The following ABCA13 variants were observed in gnomAD, a reference collection of about 807,000 sequenced individuals.
The protein encoded by ABCA13 is ATP-binding cassette sub-family A member 13.
Under a neutral mutation model 478.7 loss-of-function variants are expected in ABCA13, and 476 were observed. The ratio of observed to expected loss-of-function variants is 0.99; its 90% CI spans 0.92 to 1.07. The LOEUF (loss-of-function observed/expected upper bound fraction) is 1.07. Among genes scored for constraint, ABCA13 ranks in the 50% least tolerant of loss-of-function variants. The pLI, the probability that ABCA13 is intolerant of heterozygous loss-of-function variation, is 0.00. For missense variants in ABCA13, 6,060 were observed against 5,910.6 expected (o/e 1.03, Z -0.83); for synonymous variants, 2,252 against 2,158.9 (o/e 1.04, Z -1.20).
At chr7:48,199,737 C>A (rs1798412076) in intron 3 of ABCA13, among the ~76,000 whole-genome samples, 1 of 152,172 alleles carries the variant, frequency 6.6e-6, no homozygotes, top group Non-Finnish European at 1.5e-5. Flanking sequence ...AAAACTCTGT[C>A]TTTCTTGGAA....
chr7:48,341,348 G>T (rs539151242), intron 29 of ABCA13, among the ~76,000 whole-genome samples: 1 of 152,230 alleles, frequency 6.6e-6, no homozygotes, highest in Non-Finnish European at 1.5e-5. Flanking sequence ...GCACCCAGCT[G>T]CTTTCCTAGG....
chr7:48,632,985 T>C (rs1002219808), intron 59 of ABCA13, among the ~76,000 whole-genome samples: 5 of 152,128 alleles, frequency 3.3e-5, no homozygotes, highest in Admixed American at 6.6e-5. Flanking sequence ...GAAGAAAACA[T>C]AGGGATAAAT....
intron 19 of ABCA13, among the ~76,000 whole-genome samples, chr7:48,284,351 A>T (rs995709826): frequency 3.3e-5 from 5 of 152,146 alleles, no homozygotes; most frequent in African/African-American, 1.2e-4. Flanking sequence ...GATAATCTGT[A>T]TTTCCAATTA....
intron 31 of ABCA13, among the ~76,000 whole-genome samples, chr7:48,355,090 C>A (rs1809674734): frequency 1.3e-5 from 2 of 150,114 alleles, no homozygotes; most frequent in African/African-American, 4.9e-5. Flanking sequence ...TGTGAGACTT[C>A]CAGTCCAGGG....
intron 59 of ABCA13, among the ~76,000 whole-genome samples, chr7:48,642,838 A>G (rs898859787): frequency 3.3e-5 from 5 of 152,130 alleles, no homozygotes; most frequent in Non-Finnish European, 7.3e-5. Flanking sequence ...TTTTTTATAT[A>G]ACAAACAAAC....
intron 59 of ABCA13, among the ~76,000 whole-genome samples, chr7:48,641,378 G>A (rs1393541301): frequency 6.6e-6 from 1 of 152,104 alleles, no homozygotes; most frequent in African/African-American, 2.4e-5. Context: ...TTCTGTTCTG[G>A]TCATATTCTG....
intron 58 of ABCA13, among the ~76,000 whole-genome samples, chr7:48,604,447 T>G (rs992701897): frequency 3.3e-5 from 5 of 152,146 alleles, no homozygotes; most frequent in Non-Finnish European, 7.4e-5. Flanking sequence ...TTCTCACTGG[T>G]TTCAAAGAAC....
intron 43 of ABCA13, among the ~76,000 whole-genome samples, chr7:48,463,643 G>T (rs528263755): frequency 1.3e-5 from 2 of 152,212 alleles, no homozygotes; most frequent in East Asian, 3.9e-4. Context: ...ATCCCATAGA[G>T]CCCAAGACCT....
intron 33 of ABCA13, among the ~76,000 whole-genome samples, chr7:48,373,468 C>A (rs993939010): frequency 6.6e-5 from 10 of 152,194 alleles, no homozygotes; most frequent in African/African-American, 2.4e-4. Flanking sequence ...TAGCCATATG[C>A]TCACAACAAA....
At chr7:48,172,995 G>A (rs1794357450) in intron 1 of ABCA13, among the ~76,000 whole-genome samples, 1 of 152,050 alleles carries the variant, frequency 6.6e-6, no homozygotes. Flanking sequence ...TGTTATGGGT[G>A]GAAGTTGGTT....
At chr7:48,354,962 AT>A (rs1809654498) in intron 31 of ABCA13, among the ~76,000 whole-genome samples, 1 of 152,066 alleles carries the variant, frequency 6.6e-6, no homozygotes, top group Admixed American at 6.5e-5. Flanking sequence ...TTATGAATTT[AT>A]TCAATGACTT....
chr7:48,557,087 GT>G (rs1333993479), intron 55 of ABCA13, among the ~76,000 whole-genome samples: 5 of 151,964 alleles, frequency 3.3e-5, no homozygotes, highest in Admixed American at 3.3e-4. Context: ...AAAACTCTAG[GT>G]TTTAATCTTG....
chr7:48,408,853 A>G (rs1818620617), intron 39 of ABCA13, among the ~76,000 whole-genome samples: 1 of 152,056 alleles, frequency 6.6e-6, no homozygotes, highest in South Asian at 2.1e-4. Context: ...GGCTCCCTCC[A>G]CCATCTGGTA....
intron 15 of ABCA13, among the ~76,000 whole-genome samples, chr7:48,262,569 G>A (rs148287760): frequency 2.3e-3 from 354 of 151,640 alleles, no homozygotes; most frequent in East Asian, 8.9e-3. Context: ...CTCATCTGCC[G>A]TTGTTTCCTT....
At chr7:48,499,644 C>T (rs1022014468) in intron 48 of ABCA13, among the ~76,000 whole-genome samples, 4 of 151,958 alleles carry the variant, frequency 2.6e-5, no homozygotes, top group South Asian at 2.1e-4. Flanking sequence ...AAAGAAAAGC[C>T]GGAATATAAA....
rs553843237 is a variant in ABCA13, at chr7:48,386,862, C to A, written c.11336-960C>A. Among the ~76,000 whole-genome samples, 40 of 152,202 alleles carry A rather than the reference C, an allele frequency of 2.6e-4. 1 individual carries two copies. Among genetic ancestry groups the A allele is most frequent in the African/African-American group, 8.7e-4 (36 of 41,542 alleles). ...ATGACAAAGATGCCAAAAGCAATTGCAACAAAAGCAAAAATTGACTAATGG... is the reference window on the plus strand; with the variant it reads ...ATGACAAAGATGCCAAAAGCAATTGAAACAAAAGCAAAAATTGACTAATGG... On this transcript the variant is annotated intron_variant, in intron 35 of 61. Transcript: ENST00000435803.
chr7:48,441,475 T>C (rs542581209), intron 42 of ABCA13, among the ~76,000 whole-genome samples: 33 of 152,260 alleles, frequency 2.2e-4, no homozygotes, highest in African/African-American at 7.0e-4. Flanking sequence ...CTGAAATAAC[T>C]CACTCCTTGC....
chr7:48,392,226 C>A, intron 38 of ABCA13, 87 bp downstream of exon 38: 1 of 1,234,770 alleles, frequency 8.1e-7, no homozygotes, highest in South Asian at 1.3e-5. Flanking sequence ...CTTAAAAAAT[C>A]ATCTGTGTCT....
chr7:48,510,453 G>A (rs558078027), intron 50 of ABCA13, among the ~76,000 whole-genome samples: 1 of 152,280 alleles, frequency 6.6e-6, no homozygotes, highest in South Asian at 2.1e-4. Flanking sequence ...GTAGTGTGAG[G>A]AGCCTGTCCT....
Sources: gnomAD v4.1 joint callset for allele counts (sites outside exome capture counted in the v4.1 genomes callset) on GRCh38, gnomAD v4.1.1 for gene constraint, MANE v1.5 for transcripts, NCBI Gene and HGNC (gene_info 2026-07-23, HGNC 2026-07-21) for gene names.